CNBD2: variants seen among roughly 807,000 people sequenced by gnomAD.
The protein encoded by CNBD2 is cyclic nucleotide-binding domain-containing protein 2.
CNBD2 carries 64 observed loss-of-function variants against 63.7 expected under a neutral mutation model. The observed-to-expected ratio is 1.00, with a 90% CI of 0.82 to 1.24. The LOEUF is 1.24. Ranked by LOEUF, CNBD2 falls within the 50% of genes most tolerant of loss-of-function variation. CNBD2 has a pLI of 0.00. For synonymous variants in CNBD2, 229 were observed against 255.4 expected, an observed-to-expected ratio of 0.90 and a Z score of 0.99; for missense variants, 691 against 713.5, an observed-to-expected ratio of 0.97 and a Z score of 0.36.
intron 2 of CNBD2, among the ~76,000 whole-genome samples, chr20:35,963,402 C>T (rs1017738497): frequency 6.6e-6 from 1 of 150,552 alleles, no homozygotes; most frequent in South Asian, 2.1e-4. Context: ...ATGGTTTCGG[C>T]CGGTCACGGT....
At chr20:35,987,321 G>A (rs2056681317) in intron 6 of CNBD2, 74 bp from the exon 7 acceptor site, 3 of 1,537,802 alleles carry the variant, frequency 2.0e-6, no homozygotes, top group Admixed American at 3.4e-5. Context: ...AAGAGTATGT[G>A]CCCTCTGCAG....
chr20:35,970,541 C>T (rs542035455), intron 1 of CNBD2, among the ~76,000 whole-genome samples: 31 of 152,132 alleles, frequency 2.0e-4, no homozygotes, highest in Admixed American at 1.2e-3. Context: ...GGATTACAGG[C>T]GCCCACCACC....
intron 10 of CNBD2, among the ~76,000 whole-genome samples, chr20:36,011,819 A>G (rs538287018): frequency 9.9e-5 from 15 of 152,238 alleles, no homozygotes; most frequent in Non-Finnish European, 1.6e-4. Context: ...CAAAATTAAT[A>G]TAGAGAGTCC....
chr20:36,024,064 G>A (rs1024478762), intron 11 of CNBD2, among the ~76,000 whole-genome samples: 1 of 152,216 alleles, frequency 6.6e-6, no homozygotes, highest in South Asian at 2.1e-4. Context: ...GGTTGGGTGC[G>A]ATGGCTCACG....
chr20:36,000,923 T>C (rs200599732), intron 8 of CNBD2, among the ~76,000 whole-genome samples: 2 of 151,200 alleles, frequency 1.3e-5, no homozygotes, highest in Non-Finnish European at 2.9e-5. Flanking sequence ...TCCCTGGGTA[T>C]TTGAGATTAG....
At chr20:36,010,444 CAAAAAA>C (rs147122121) in intron 9 of CNBD2, among the ~76,000 whole-genome samples, 1 of 92,966 alleles carries the variant, frequency 1.1e-5, no homozygotes, top group African/African-American at 3.7e-5. Context: ...AACTCTGTCT[CAAAAAA>C]AAAAAAAAAA....
chr20:36,029,989 G>A (rs1308301483), intron 11 of CNBD2, among the ~76,000 whole-genome samples: 1 of 152,198 alleles, frequency 6.6e-6, no homozygotes, highest in African/African-American at 2.4e-5. Flanking sequence ...ACCGAATCAT[G>A]TAATATGTAT....
chr20:35,966,262 G>A (rs1307188485), upstream of CNBD2, among the ~76,000 whole-genome samples: 3 of 151,884 alleles, frequency 2.0e-5, no homozygotes, highest in Non-Finnish European at 4.4e-5. Flanking sequence ...TCATGGTATG[G>A]GGGAAAAACC....
At chr20:35,990,600 C>G (rs1023052389) in intron 7 of CNBD2, among the ~76,000 whole-genome samples, 2 of 151,888 alleles carry the variant, frequency 1.3e-5, no homozygotes, top group Non-Finnish European at 2.9e-5. Context: ...TGCACTCCAG[C>G]CTGGGCAACA....
At position 36,023,610 on chromosome 20, in the gene CNBD2, C is replaced by T; in HGVS notation, c.1278C>T (p.His426=). The T allele has an allele frequency of 6.3e-7, 1 of 1,599,036 alleles. No individual in the cohort carries two copies. Among genetic ancestry groups the T allele is most frequent in the Non-Finnish European group, 8.5e-7 (1 of 1,173,394 alleles). ...CTGTGACTTCTCCCGAGGGTCTTCA[C>T]CAGGCCTTCCTTCCAGAGGGTGAAT... The part of the protein sequence containing the change: ...TVEQGEILGL[H]QAFLPEGECD... Residue 426 remains histidine (H), a synonymous_variant, in exon 11 of 12, where the codon CAC becomes CAT. Transcript: ENST00000373973.
In CNBD2 at chr20:35,972,624, CAT is replaced by C. The variant is rs2056436002; in HGVS notation, c.52-3_52-2del. 3.1e-6 allele frequency: 5 copies of C among 1,613,858 alleles called. No homozygotes were observed. Among genetic ancestry groups the C allele is most frequent in the Non-Finnish European group, 4.2e-6 (5 of 1,179,882 alleles). ...CTATTGATCTTGTTTGCTTTGTTTC[CAT>C]AGGGACTGTACCAGCTCGCCATGGA... is the stretch of plus-strand genomic sequence containing the variant. On this transcript the variant is annotated splice_polypyrimidine_tract_variant and splice_region_variant and intron_variant, in intron 1 of 11. Transcript: ENST00000373973.
At chr20:36,030,075 C>T (rs957462796) in intron 11 of CNBD2, among the ~76,000 whole-genome samples, 1 of 152,222 alleles carries the variant, frequency 6.6e-6, no homozygotes, top group Non-Finnish European at 1.5e-5. Flanking sequence ...TGTTCTAAGT[C>T]TGTGAAATCT....
chr20:35,968,591 G>C lies in CNBD2; in HGVS notation c.-172G>C. On this transcript the variant is annotated 5_prime_UTR_variant, in exon 1 of 12. Coordinates refer to ENST00000373973, the MANE Select transcript of CNBD2 (RefSeq NM_001365709.1). The stretch of plus-strand genomic sequence containing the variant: ...GAGATTCTGAGAATGATTTTTCTCA[G>C]AGCAGGGCTTCCAGTAGCTGATGGT... 3.7e-6 allele frequency: 2 copies of C among 546,492 alleles called. No individual in the cohort carries two copies. Among genetic ancestry groups the C allele is most frequent in the Non-Finnish European group, 3.3e-6 (1 of 300,994 alleles). 33.9% of individuals were successfully genotyped at this position (546,492 alleles called of 1,614,324 possible).
At position 35,987,349 on chromosome 20, in the gene CNBD2, A is replaced by G. The variant is rs140492907; in HGVS notation, c.717-46A>G. On this transcript the variant is annotated intron_variant, in intron 6 of 11. Coordinates refer to ENST00000373973, the MANE Select transcript of CNBD2 (RefSeq NM_001365709.1). Reference sequence around the variant, plus strand: ...CTCTGCAGATTGCTAAGGTCTGGGCACCTTGTGTGATGGAGTTGATGAATT... The same window carrying G: ...CTCTGCAGATTGCTAAGGTCTGGGCGCCTTGTGTGATGGAGTTGATGAATT... 26 of 1,610,924 alleles carry G rather than the reference A, an allele frequency of 1.6e-5. No homozygotes were observed. The African/African-American group carries it at 2.8e-4, about 17-fold the overall frequency.
Position 36,008,285 on chromosome 20 carries a change from T to C in CNBD2, c.971-12T>C. The stretch of plus-strand genomic sequence containing the variant: ...GATCCATAAGTATCTTTTCCTGTGC[T>C]TTCTCTAACAGAATACTCTCCTATG... On this transcript the variant is annotated splice_polypyrimidine_tract_variant and intron_variant, in intron 8 of 11. Transcript: ENST00000373973. 6.3e-7 allele frequency: 1 copy of C among 1,595,596 alleles called. No homozygotes were observed. Among genetic ancestry groups the C allele is most frequent in the Non-Finnish European group, 8.5e-7 (1 of 1,172,342 alleles).
upstream of CNBD2, among the ~76,000 whole-genome samples, chr20:35,968,120 T>C (rs559792351): frequency 2.0e-5 from 3 of 152,286 alleles, no homozygotes; most frequent in African/African-American, 7.2e-5. Flanking sequence ...TGAGATCAAG[T>C]GTAGTATACG....
intron 2 of CNBD2, chr20:35,973,178 A>G (rs1453610741): frequency 7.9e-6 from 2 of 251,896 alleles, no homozygotes; most frequent in Non-Finnish European, 1.5e-5. Context: ...AAAAGGAGAG[A>G]GGCCAGTAGT....
intron 10 of CNBD2, among the ~76,000 whole-genome samples, chr20:36,012,488 A>AAT: frequency 6.6e-6 from 1 of 151,904 alleles, no homozygotes; most frequent in African/African-American, 2.4e-5. Context: ...AAAAAAAAAA[A>AAT]AATTAATAAC....
intron 11 of CNBD2, among the ~76,000 whole-genome samples, chr20:36,024,553 T>C (rs957740010): frequency 2.0e-5 from 3 of 151,432 alleles, no homozygotes; most frequent in Admixed American, 6.6e-5. Flanking sequence ...CACTTGAACC[T>C]GGGAGGCAGA....
Sources: gnomAD v4.1 joint callset for allele counts (sites outside exome capture counted in the v4.1 genomes callset) on GRCh38, gnomAD v4.1.1 for gene constraint, MANE v1.5 for transcripts, NCBI Gene and HGNC (gene_info 2026-07-23, HGNC 2026-07-21) for gene names.